The following PREPL variants were observed in gnomAD, a reference collection of about 807,000 sequenced individuals.
PREPL encodes the protein prolyl endopeptidase-like.
PREPL carries 77 observed loss-of-function variants against 70.6 expected under a neutral mutation model. The ratio of observed to expected loss-of-function variants is 1.09; its 90% CI spans 0.91 to 1.32. PREPL has a LOEUF of 1.32. PREPL is among the 40% of genes most tolerant of loss of function. The pLI is 0.00. For synonymous variants in PREPL, 315 were observed against 264.8 expected (o/e 1.19, Z -1.84); for missense variants, 1,002 against 778.2 (o/e 1.29, Z -3.42).
Position 44,329,040 on chromosome 2 carries a change from C to T in PREPL, c.1159G>A (p.Val387Ile), listed in dbSNP as rs1444600869. 3 of 1,613,144 alleles carry T rather than the reference C, an allele frequency of 1.9e-6. No individual in the cohort carries two copies. Among genetic ancestry groups the T allele is most frequent in the South Asian group, 1.1e-5 (1 of 91,014 alleles). ...ATTCCATAAGCTCCATATACATGTA[C>T]CAAGAGAGGTTTCTTCTGCAAGTCC... ...SEDLQKKPLL[V>I]HVYGAYGMDL... The change falls in exon 9 of 14, where the codon GTA becomes ATA. Residue 387 changes from valine to isoleucine, a missense_variant. Coordinates refer to ENST00000409411, the MANE Select transcript of PREPL (RefSeq NM_001171613.2).
rs1674224419 is a variant in PREPL, at chr2:44,332,514, TG to T, written c.1030del (p.His344MetfsTer14). ...ACTAGTCTTTGTGATTGGGTCTTCA[TG>T]CCCAGTTTCCTCAAACAGTTTGCCT... is the stretch of plus-strand genomic sequence containing the variant. ...AEGKLFEETG[H>X]EDPITKTSRV... On this transcript the variant is annotated frameshift_variant, in exon 8 of 14. Transcript: ENST00000409411. LOFTEE classifies it high-confidence loss of function. 6.2e-7 allele frequency: 1 copy of T among 1,614,182 alleles called. No homozygotes were observed.
At chr2:44,343,632 G>C in intron 4 of PREPL, 113 bp downstream of exon 4, 1 of 880,344 alleles carries the variant, frequency 1.1e-6, no homozygotes, top group Non-Finnish European at 1.8e-6. Context: ...TAGTCCATAG[G>C]GATACATGAA....
chr2:44,341,096 T>C (rs564058683), intron 5 of PREPL, among the ~76,000 whole-genome samples: 70 of 152,286 alleles, frequency 4.6e-4, no homozygotes, highest in African/African-American at 1.2e-3. Flanking sequence ...ATTTCTTATA[T>C]TGATTTTATG....
Position 44,342,471 on chromosome 2 carries a change from G to T in PREPL, c.431C>A (p.Ala144Asp). Residue 144 changes from alanine to aspartate, a missense_variant, in exon 5 of 14, where the codon GCC becomes GAC. Coordinates refer to ENST00000409411, the MANE Select transcript of PREPL (RefSeq NM_001171613.2). ...ATTACGTTTGTTATCACCAAAAGTG[G>T]CTCGATATACGTCATGACAGCGAAG... The part of the protein sequence containing the change: ...RNLRCHDVYR[A>D]TFGDNKRNER... The T allele has an allele frequency of 6.2e-7, 1 of 1,613,092 alleles. No homozygotes were observed. The highest frequency in any genetic ancestry group is 8.5e-7 in the Non-Finnish European group (1 of 1,179,404).
intron 1 of PREPL, chr2:44,356,381 A>G (rs981987266): frequency 3.9e-5 from 6 of 152,078 alleles, no homozygotes; most frequent in African/African-American, 1.4e-4. Flanking sequence ...GTCTCTACTA[A>G]AAAATACAAA....
In PREPL at chr2:44,338,421, A is replaced by G. The variant is rs1347512792; in HGVS notation, c.818T>C (p.Phe273Ser). ...LDMFKDHCVL[F>S]LKHSNLLYVN... is the part of the protein sequence containing the mutation. ...ATAAAGGAGATTGCTGTGCTTCAGA[A>G]ATAGAACACAGTGATCCTTAAACAT... The change falls in exon 7 of 14, where the codon TTT becomes TCT. Residue 273 changes from phenylalanine (F) to serine (S), a missense_variant. Transcript: ENST00000409411. The G allele has an allele frequency of 3.0e-5, 49 of 1,613,584 alleles. No homozygotes were observed. Among genetic ancestry groups the G allele is most frequent in the Non-Finnish European group, 3.6e-5 (43 of 1,179,878 alleles).
chr2:44,321,247 T>C lies in PREPL; in HGVS notation c.*109A>G. 1.0e-6 allele frequency: 1 copy of C among 979,184 alleles called. No individual in the cohort carries two copies. The highest frequency in any genetic ancestry group is 1.7e-5 in the South Asian group (1 of 59,494). 60.7% of individuals were successfully genotyped at this position (979,184 alleles called of 1,614,324 possible). A position where few individuals can be genotyped will look rare whatever the true frequency, so the allele number is the denominator to read the frequency against. On this transcript the variant is annotated 3_prime_UTR_variant, in exon 14 of 14. Transcript: ENST00000409411. The stretch of plus-strand genomic sequence containing the variant: ...AGATGGAGAAGCACATTTTAAAAAA[T>C]TAATAACTTAAAAGTCTCAAGTTAT...
intron 1 of PREPL, among the ~76,000 whole-genome samples, chr2:44,357,893 GA>G (rs530160789): frequency 9.2e-5 from 14 of 152,032 alleles, no homozygotes; most frequent in Non-Finnish European, 1.6e-4. Context: ...AAGTTATAAA[GA>G]ATTTCTAAAT....
chr2:44,333,457 CTGAG>C (rs1221102639), intron 7 of PREPL, among the ~76,000 whole-genome samples: 3 of 151,770 alleles, frequency 2.0e-5, no homozygotes, highest in Non-Finnish European at 4.4e-5. Context: ...CTTTCTTTTC[CTGAG>C]TAATTGTAGA....
chr2:44,336,552 G>A (rs1025287740), intron 7 of PREPL, among the ~76,000 whole-genome samples: 1 of 152,090 alleles, frequency 6.6e-6, no homozygotes, highest in African/African-American at 2.4e-5. Flanking sequence ...GAAGGAGGGT[G>A]AGGATTGAAA....
chr2:44,352,148 A>C (rs1676510537), intron 1 of PREPL, among the ~76,000 whole-genome samples: 1 of 152,094 alleles, frequency 6.6e-6, no homozygotes, highest in African/African-American at 2.4e-5. Context: ...ATTTTACTAA[A>C]ATAACACCCC....
chr2:44,332,695 G>C (rs770789866), intron 7 of PREPL, 39 bp from the exon 8 acceptor site: 1 of 1,470,070 alleles, frequency 6.8e-7, no homozygotes, highest in Admixed American at 2.0e-5. Context: ...CTTTATTTAG[G>C]CCACCAAGTA....
At position 44,320,499 on chromosome 2, in the gene PREPL, C is replaced by A; in HGVS notation, c.*857G>T. ...TAAAGTTGATACAAGTGGCATTTTT[C>A]TGGACAAGGGAGAGGGACTCATCTT... is the stretch of plus-strand genomic sequence containing the variant. On this transcript the variant is annotated 3_prime_UTR_variant, in exon 14 of 14. Coordinates refer to ENST00000409411, the MANE Select transcript of PREPL (RefSeq NM_001171613.2). 6.2e-7 allele frequency: 1 copy of A among 1,614,128 alleles called. No homozygotes were observed. The highest frequency in any genetic ancestry group is 8.5e-7 in the Non-Finnish European group (1 of 1,179,988).
chr2:44,321,895 G>A lies in PREPL; in HGVS notation c.1759C>T (p.Gln587Ter). Residue 587 changes from glutamine to a stop codon, truncating the protein, a stop_gained, in exon 13 of 14, where the codon CAG becomes TAG. Transcript: ENST00000409411. LOFTEE classifies it high-confidence loss of function. ...ATATCTAGAATAATATTAGGGGTCT[G>A]ATAGCCTGGAAGAGTTAACATGTAG... ...EHAKDTGEGY[Q>*]TPNIILDIQP... 3 of 1,612,902 alleles carry A rather than the reference G, an allele frequency of 1.9e-6. No homozygotes were observed. Among genetic ancestry groups the A allele is most frequent in the East Asian group, 2.2e-5 (1 of 44,866 alleles).
intron 13 of PREPL, 93 bp downstream of exon 13, chr2:44,321,733 GC>G: frequency 6.2e-7 from 1 of 1,607,402 alleles, no homozygotes. Flanking sequence ...TTGTGAAGTG[GC>G]TTTGTCATAA....
chr2:44,344,811 A>T (rs1310187554), intron 2 of PREPL, among the ~76,000 whole-genome samples: 1 of 152,244 alleles, frequency 6.6e-6, no homozygotes, highest in African/African-American at 2.4e-5. Context: ...ATACATAAAT[A>T]CAAGAGGCAA....
At chr2:44,329,953 C>A (rs1252075744) in intron 8 of PREPL, among the ~76,000 whole-genome samples, 1 of 152,100 alleles carries the variant, frequency 6.6e-6, no homozygotes, top group Non-Finnish European at 1.5e-5. Flanking sequence ...AATAATACAT[C>A]CAAGTCACTC....
intron 12 of PREPL, among the ~76,000 whole-genome samples, chr2:44,322,107 G>T (rs145030129): frequency 6.6e-6 from 1 of 152,122 alleles, no homozygotes; most frequent in Non-Finnish European, 1.5e-5. Context: ...GGAAGAGGCC[G>T]TATGGAAAAG....
At position 44,323,425 on chromosome 2, in the gene PREPL, A is replaced by G; in HGVS notation, c.1480-14T>C. The G allele has an allele frequency of 1.3e-6, 2 of 1,567,766 alleles. No homozygotes were observed. The highest frequency in any genetic ancestry group is 1.7e-6 in the Non-Finnish European group (2 of 1,156,096). ...CAAGAAAGGTGCCTAAAAAAAAGGC[A>G]AAGAAACTTATACTTCAAGTAAGAG... is the stretch of plus-strand genomic sequence containing the variant. On this transcript the variant is annotated splice_polypyrimidine_tract_variant and intron_variant, in intron 10 of 13. Coordinates refer to ENST00000409411, the MANE Select transcript of PREPL (RefSeq NM_001171613.2).
Sources: gnomAD v4.1 joint callset for allele counts (sites outside exome capture counted in the v4.1 genomes callset) on GRCh38, gnomAD v4.1.1 for gene constraint, MANE v1.5 for transcripts, NCBI Gene and HGNC (gene_info 2026-07-23, HGNC 2026-07-21) for gene names.